The following CDK5RAP2 variants were observed in gnomAD, a reference collection of about 807,000 sequenced individuals.
CDK5RAP2 encodes CDK5 regulatory subunit-associated protein 2.
In CDK5RAP2, 147 loss-of-function variants were observed where a neutral mutation model predicts 232.9. The observed-to-expected ratio is 0.63, with a 90% confidence interval of 0.55 to 0.72. The LOEUF is 0.72. CDK5RAP2 is among the 30% of genes least tolerant of loss of function. CDK5RAP2 has a pLI of 0.00. For missense variants in CDK5RAP2, 2,195 were observed against 2,231.5 expected, an observed-to-expected ratio of 0.98 and a Z score of 0.33; for synonymous variants, 833 against 833.7, an observed-to-expected ratio of 1.00 and a Z score of 0.01.
intron 14 of CDK5RAP2, among the ~76,000 whole-genome samples, chr9:120,480,716 A>G (rs909398749): frequency 6.6e-6 from 1 of 152,190 alleles, no homozygotes; most frequent in Non-Finnish European, 1.5e-5. Flanking sequence ...TGCAGAGGGC[A>G]AGAAAGGTGA....
intron 34 of CDK5RAP2, 78 bp downstream of exon 34, chr9:120,402,728 C>T (rs778505181): frequency 9.5e-5 from 146 of 1,535,944 alleles, no homozygotes; most frequent in Non-Finnish European, 1.2e-4. Context: ...AGGACAACTG[C>T]GCCATTTGAC....
At chr9:120,482,452 C>T (rs754055409) in intron 14 of CDK5RAP2, among the ~76,000 whole-genome samples, 3 of 152,196 alleles carry the variant, frequency 2.0e-5, no homozygotes, top group Non-Finnish European at 4.4e-5. Flanking sequence ...TGGGAAATCC[C>T]TCCATCAGAG....
rs554134015 is a variant in CDK5RAP2 at position 120,526,793 on chromosome 9, G to A, written c.999+1013C>T. ...TCGCCTCCTTTAAGTTTTACACTTT[G>A]TGCTCTGACAACTCCAAACTGTCTG... On this transcript the variant is annotated intron_variant, in intron 10 of 37. Coordinates refer to ENST00000349780, the MANE Select transcript of CDK5RAP2 (RefSeq NM_018249.6). Among the ~76,000 whole-genome samples the A allele has an allele frequency of 3.3e-5, 5 of 152,242 alleles. No homozygotes were observed. In the South Asian group the frequency reaches 1.0e-3, roughly 32 times the overall value.
At chr9:120,518,210 T>TGTGTGTGA (rs1554770753) in intron 12 of CDK5RAP2, among the ~76,000 whole-genome samples, 18 of 43,988 alleles carry the variant, frequency 4.1e-4, no homozygotes, top group East Asian at 7.9e-4. Context: ...TGTGTGTGTG[T>TGTGTGTGA]GAGAGAGAGA....
Position 120,518,654 on chromosome 9 carries a change from G to A in CDK5RAP2, c.1093-9C>T. ...TCATAGTCTTCAGACCCCTAGAAGA[G>A]AAGGCAGAGAAGCAAGATGAGCTAA... is the stretch of plus-strand genomic sequence containing the variant. On this transcript the variant is annotated splice_polypyrimidine_tract_variant and intron_variant, in intron 11 of 37. Transcript: ENST00000349780. 2 of 1,609,374 alleles carry A rather than the reference G, an allele frequency of 1.2e-6. No homozygotes were observed. Among genetic ancestry groups the A allele is most frequent in the South Asian group, 1.1e-5 (1 of 90,858 alleles).
At chr9:120,577,861 A>T (rs1193922793) in intron 1 of CDK5RAP2, among the ~76,000 whole-genome samples, 1 of 152,234 alleles carries the variant, frequency 6.6e-6, no homozygotes, top group Non-Finnish European at 1.5e-5. Context: ...CTGGCCAAAA[A>T]GCACTGAAAT....
In CDK5RAP2 at chr9:120,553,196, G is replaced by C. The variant is rs188581652; in HGVS notation, c.196-2294C>G. ...CAAAGATCACGCCAGTAGGGGAAGAGCTGGGATTCCTATACTTCTGTCTGA... is the reference window on the plus strand; with the variant it reads ...CAAAGATCACGCCAGTAGGGGAAGACCTGGGATTCCTATACTTCTGTCTGA... On this transcript the variant is annotated intron_variant, in intron 3 of 37. Transcript: ENST00000349780. Among the ~76,000 whole-genome samples the C allele has an allele frequency of 5.9e-5, 9 of 152,286 alleles. No homozygotes were observed. The East Asian group carries it at 1.3e-3, about 23-fold the overall frequency.
At chr9:120,560,084 C>A (rs1451259485) in intron 3 of CDK5RAP2, among the ~76,000 whole-genome samples, 1 of 152,206 alleles carries the variant, frequency 6.6e-6, no homozygotes, top group African/African-American at 2.4e-5. Context: ...GCTCACCCTA[C>A]CAAATCATCT....
At chr9:120,413,799 G>A (rs576598738) in intron 28 of CDK5RAP2, among the ~76,000 whole-genome samples, 11 of 150,028 alleles carry the variant, frequency 7.3e-5, no homozygotes, top group Admixed American at 2.6e-4. Flanking sequence ...GGAAATGGGC[G>A]CAGTGAGCGA....
chr9:120,398,442 A>C (rs565197784), intron 35 of CDK5RAP2, among the ~76,000 whole-genome samples: 2 of 152,324 alleles, frequency 1.3e-5, no homozygotes, highest in Non-Finnish European at 2.9e-5. Context: ...CTTCTACTAG[A>C]AATGTGTGGT....
At position 120,400,918 on chromosome 9, in the gene CDK5RAP2, G is replaced by A. The variant is rs374808413; in HGVS notation, c.5308-33C>T. On this transcript the variant is annotated intron_variant, in intron 34 of 37. Coordinates refer to ENST00000349780, the MANE Select transcript of CDK5RAP2 (RefSeq NM_018249.6). Reference sequence around the variant, plus strand: ...GGGGATATGAAGGCTGTTACGTGCAGTCTTGAAAAAGATTTTAGACAAGCA... The same window carrying A: ...GGGGATATGAAGGCTGTTACGTGCAATCTTGAAAAAGATTTTAGACAAGCA... 24 of 1,613,466 alleles carry A rather than the reference G, an allele frequency of 1.5e-5. No homozygotes were observed. In the African/African-American group the frequency reaches 3.2e-4, roughly 22 times the overall value.
chr9:120,454,852 T>A (rs2036669707), intron 20 of CDK5RAP2, among the ~76,000 whole-genome samples: 1 of 152,182 alleles, frequency 6.6e-6, no homozygotes, highest in Non-Finnish European at 1.5e-5. Context: ...AACCAGATCA[T>A]TATTGCACCC....
intron 35 of CDK5RAP2, among the ~76,000 whole-genome samples, chr9:120,394,998 G>T (rs2032334726): frequency 6.6e-6 from 1 of 152,198 alleles, no homozygotes; most frequent in East Asian, 1.9e-4. Context: ...TATGTACAAG[G>T]ATGTTCGTCT....
intron 25 of CDK5RAP2, among the ~76,000 whole-genome samples, 159 bp downstream of exon 25, chr9:120,437,136 C>A (rs569330650): frequency 2.0e-5 from 3 of 152,234 alleles, no homozygotes; most frequent in Admixed American, 2.0e-4. Flanking sequence ...GAAGTGGTCA[C>A]TGGGAGGAAG....
At chr9:120,522,152 C>A (rs967294834) in intron 11 of CDK5RAP2, among the ~76,000 whole-genome samples, 19 of 152,322 alleles carry the variant, frequency 1.2e-4, no homozygotes, top group African/African-American at 4.6e-4. Flanking sequence ...TAAATATGCA[C>A]ACACCCCCAT....
At chr9:120,453,915 C>A in intron 20 of CDK5RAP2, 42 bp from the exon 21 acceptor site, 2 of 1,600,208 alleles carry the variant, frequency 1.2e-6, no homozygotes, top group South Asian at 2.2e-5. Context: ...ACCAAGCTTT[C>A]TGCTAGGCCT....
At chr9:120,528,833 G>A (rs1259073879) in intron 8 of CDK5RAP2, 36 bp from the exon 9 acceptor site, 25 of 1,463,132 alleles carry the variant, frequency 1.7e-5, no homozygotes, top group South Asian at 6.8e-5. Context: ...AAGAAGGGAC[G>A]TGCAATCCAA....
Position 120,519,048 on chromosome 9 carries a change from G to A in CDK5RAP2, c.1093-403C>T, listed in dbSNP as rs2040497316. ...AAATTAGCCAGGCGTGGAGGTGGGT[G>A]CCTGTAGTCCCAGCTACTCGGGAAG... On this transcript the variant is annotated intron_variant, in intron 11 of 37. Coordinates refer to ENST00000349780, the MANE Select transcript of CDK5RAP2 (RefSeq NM_018249.6). 2.0e-5 allele frequency among the ~76,000 whole-genome samples: 3 copies of A among 151,948 alleles called. No homozygotes were observed. In the South Asian group the frequency reaches 6.2e-4, roughly 32 times the overall value.
chr9:120,452,889 G>A (rs1281925140), intron 21 of CDK5RAP2, among the ~76,000 whole-genome samples: 1 of 152,104 alleles, frequency 6.6e-6, no homozygotes, highest in Non-Finnish European at 1.5e-5. Flanking sequence ...TTTGATGAGT[G>A]TTGTCAGGAT....
Sources: allele counts gnomAD v4.1 joint callset (sites outside exome capture counted in the v4.1 genomes callset), GRCh38; gene constraint gnomAD v4.1.1; transcripts MANE v1.5; gene names NCBI Gene and HGNC (gene_info 2026-07-23, HGNC 2026-07-21).